GALNT13: variants seen among roughly 807,000 people sequenced by gnomAD.
GALNT13 encodes polypeptide N-acetylgalactosaminyltransferase 13.
Under a neutral mutation model 64.2 loss-of-function variants are expected in GALNT13, and 28 were observed. The ratio of observed to expected loss-of-function variants is 0.44; its 90% CI spans 0.32 to 0.60. The LOEUF is 0.60. GALNT13 is among the 20% of genes least tolerant of loss of function. The pLI is 0.05. For synonymous variants in GALNT13, 214 were observed against 224.6 expected, an observed-to-expected ratio of 0.95 and a Z score of 0.42; for missense variants, 577 against 669.8, an observed-to-expected ratio of 0.86 and a Z score of 1.53.
chr2:153,511,630 T>G, the GALNT13 span, among the ~76,000 whole-genome samples: 2 of 152,276 alleles, frequency 1.3e-5, no homozygotes, highest in Admixed American at 6.5e-5. Flanking sequence ...TGATTCTGTA[T>G]TTTTCACTAG....
chr2:153,793,260 C>T, the GALNT13 span, among the ~76,000 whole-genome samples: 1 of 151,958 alleles, frequency 6.6e-6, no homozygotes, highest in Admixed American at 6.5e-5. Context: ...GCGTGAGCCA[C>T]CGCACCCGGC....
chr2:153,239,496 T>C, the GALNT13 span, among the ~76,000 whole-genome samples: 1 of 152,078 alleles, frequency 6.6e-6, no homozygotes, highest in Non-Finnish European at 1.5e-5. Context: ...TGCGTGGAGG[T>C]ATGGTCTTTC....
chr2:153,299,843 T>C, the GALNT13 span, among the ~76,000 whole-genome samples: 1 of 152,228 alleles, frequency 6.6e-6, no homozygotes, highest in Non-Finnish European at 1.5e-5. Flanking sequence ...TTTTTCCATA[T>C]TTGTAGCATT....
the GALNT13 span, among the ~76,000 whole-genome samples, chr2:153,733,004 T>C: frequency 6.6e-6 from 1 of 152,100 alleles, no homozygotes; most frequent in Non-Finnish European, 1.5e-5. Context: ...AATAGCCATA[T>C]TGCAAACATG....
chr2:153,649,371 T>C, the GALNT13 span, among the ~76,000 whole-genome samples: 74,118 of 151,132 alleles, frequency 0.49, 18,699 homozygotes, highest in Middle Eastern at 0.64. Flanking sequence ...CTTTATTAGT[T>C]TTGCTAGCGG....
At chr2:153,895,530 C>T (rs1358633174) in intron 1 of GALNT13, among the ~76,000 whole-genome samples, 2 of 151,940 alleles carry the variant, frequency 1.3e-5, no homozygotes, top group Non-Finnish European at 2.9e-5. Context: ...TGTAGAATAC[C>T]TAGAGTGCAT....
At chr2:153,807,257 A>C in the GALNT13 span, among the ~76,000 whole-genome samples, 1 of 152,088 alleles carries the variant, frequency 6.6e-6, no homozygotes, top group African/African-American at 2.4e-5. Flanking sequence ...ATATATATAC[A>C]TGTACATATG....
At chr2:153,551,304 G>C in the GALNT13 span, among the ~76,000 whole-genome samples, 2 of 152,188 alleles carry the variant, frequency 1.3e-5, no homozygotes, top group South Asian at 4.1e-4. Context: ...TCTGGATGGG[G>C]TATCTTCATG....
intron 3 of GALNT13, among the ~76,000 whole-genome samples, chr2:154,025,142 G>A (rs199768355): frequency 6.6e-6 from 1 of 152,092 alleles, no homozygotes; most frequent in South Asian, 2.1e-4. Context: ...CGGGGGTCAT[G>A]GACCCACTTG....
At chr2:153,871,114 C>T (rs1204397928), upstream of GALNT13, among the ~76,000 whole-genome samples, 1 of 150,120 alleles carries the variant, frequency 6.7e-6, no homozygotes, top group African/African-American at 2.5e-5. Flanking sequence ...TGTATTTAAA[C>T]TCAGTACCAT....
intron 4 of GALNT13, among the ~76,000 whole-genome samples, chr2:154,144,994 T>G (rs1271472263): frequency 6.6e-6 from 1 of 150,562 alleles, no homozygotes; most frequent in Non-Finnish European, 1.5e-5. Context: ...GGCAGATGCC[T>G]TATGAAATGT....
At chr2:153,665,696 T>G in the GALNT13 span, among the ~76,000 whole-genome samples, 1 of 152,154 alleles carries the variant, frequency 6.6e-6, no homozygotes, top group Admixed American at 6.5e-5. Flanking sequence ...TGCCAAGCAC[T>G]GGGACTAATT....
chr2:153,407,186 C>G, the GALNT13 span, among the ~76,000 whole-genome samples: 13 of 152,074 alleles, frequency 8.5e-5, no homozygotes, highest in African/African-American at 3.1e-4. Context: ...AATACAAATT[C>G]TCAGGCCCTA....
the GALNT13 span, among the ~76,000 whole-genome samples, chr2:153,104,555 CTT>C: frequency 6.6e-6 from 1 of 152,066 alleles, no homozygotes; most frequent in Non-Finnish European, 1.5e-5. Flanking sequence ...TGTTTGGACT[CTT>C]TATATTTTGG....
chr2:154,017,978 G>A (rs1697121600), intron 3 of GALNT13, among the ~76,000 whole-genome samples: 3 of 152,018 alleles, frequency 2.0e-5, no homozygotes, highest in Admixed American at 6.6e-5. Context: ...ATTATCCTTT[G>A]CTTACTTTTA....
the GALNT13 span, among the ~76,000 whole-genome samples, chr2:153,784,931 G>A: frequency 6.6e-6 from 1 of 152,166 alleles, no homozygotes; most frequent in African/African-American, 2.4e-5. Context: ...GACTGAAGTG[G>A]TCCCCTGTCA....
chr2:153,807,232 G>T, the GALNT13 span, among the ~76,000 whole-genome samples: 1 of 139,020 alleles, frequency 7.2e-6, no homozygotes, highest in African/African-American at 2.7e-5. Flanking sequence ...TTTTATATTA[G>T]ATAGATAGAC....
chr2:153,497,317 G>A, the GALNT13 span, among the ~76,000 whole-genome samples: 1 of 151,956 alleles, frequency 6.6e-6, no homozygotes, highest in South Asian at 2.1e-4. Flanking sequence ...AAGATTAGCT[G>A]TTTCTTTTGG....
the GALNT13 span, among the ~76,000 whole-genome samples, chr2:153,154,904 A>G: frequency 6.6e-6 from 1 of 152,144 alleles, no homozygotes; most frequent in African/African-American, 2.4e-5. Flanking sequence ...ATGTTCCTTC[A>G]GTACCTAGCT....
Sources: allele counts gnomAD v4.1 joint callset (sites outside exome capture counted in the v4.1 genomes callset), GRCh38; gene constraint gnomAD v4.1.1; transcripts MANE v1.5; gene names NCBI Gene and HGNC (gene_info 2026-07-23, HGNC 2026-07-21).